Variants in DYNC1LI2 observed in about 807,000 individuals in gnomAD.
DYNC1LI2 encodes the protein cytoplasmic dynein 1 light intermediate chain 2.
DYNC1LI2 carries 19 observed loss-of-function variants against 57.8 expected under a neutral mutation model. The observed-to-expected ratio is 0.33, with a 90% CI of 0.23 to 0.48. The LOEUF is 0.48. DYNC1LI2 is among the 20% of genes least tolerant of loss of function. DYNC1LI2 has a pLI of 0.99. For synonymous variants in DYNC1LI2, 256 were observed against 233.4 expected (o/e 1.10, Z -0.88); for missense variants, 470 against 604.2 (o/e 0.78, Z 2.33).
At chr16:66,737,490 C>CAAAAA (rs754336347) in intron 4 of DYNC1LI2, among the ~76,000 whole-genome samples, 30 of 57,928 alleles carry the variant, frequency 5.2e-4, no homozygotes, top group African/African-American at 1.1e-3. Context: ...GACTCCGTCT[C>CAAAAA]AAAAAAAAAA....
intron 5 of DYNC1LI2, among the ~76,000 whole-genome samples, chr16:66,734,602 T>C (rs2017698380): frequency 6.6e-6 from 1 of 151,968 alleles, no homozygotes; most frequent in Non-Finnish European, 1.5e-5. Flanking sequence ...TACACAGTTG[T>C]ACACTCCACT....
chr16:66,749,850 A>G (rs1229327551), intron 2 of DYNC1LI2, among the ~76,000 whole-genome samples: 2 of 152,246 alleles, frequency 1.3e-5, no homozygotes, highest in African/African-American at 2.4e-5. Context: ...AAATAATTAT[A>G]GACCTAGCAA....
At chr16:66,748,288 A>C in intron 3 of DYNC1LI2, among the ~76,000 whole-genome samples, 1 of 151,246 alleles carries the variant, frequency 6.6e-6, no homozygotes. Flanking sequence ...AAAAAAAAAA[A>C]AAAAAAAAAA....
chr16:66,725,734 G>T, intron 12 of DYNC1LI2, 94 bp downstream of exon 12: 1 of 1,260,400 alleles, frequency 7.9e-7, no homozygotes, highest in South Asian at 1.4e-5. Flanking sequence ...GGCTATTCAG[G>T]ACACTGCAGG....
chr16:66,742,748 G>T, intron 3 of DYNC1LI2, 80 bp from the exon 4 acceptor site: 2 of 1,455,490 alleles, frequency 1.4e-6, no homozygotes, highest in South Asian at 1.2e-5. Flanking sequence ...ACATCAGGAA[G>T]ATCTTGAAGG....
At chr16:66,726,018 C>A in intron 11 of DYNC1LI2, 74 bp from the exon 12 acceptor site, 2 of 1,509,240 alleles carry the variant, frequency 1.3e-6, no homozygotes, top group Non-Finnish European at 1.8e-6. Context: ...TAGTTCTCAG[C>A]TTGGCATTAG....
rs773478112 is a variant in DYNC1LI2, at chr16:66,736,250, G to A, written c.530-6C>T. 6.2e-6 allele frequency: 10 copies of A among 1,606,148 alleles called. No homozygotes were observed. In the African/African-American group the frequency reaches 1.3e-4, roughly 22 times the overall value. On this transcript the variant is annotated splice_polypyrimidine_tract_variant and splice_region_variant and intron_variant, in intron 4 of 12. Coordinates refer to ENST00000258198, the MANE Select transcript of DYNC1LI2 (RefSeq NM_006141.3). ...GTCTTGAAAATCTTTCACAACTGGG[G>A]GAAAAAGAGGAAAAAAAATCACATG...
intron 5 of DYNC1LI2, 35 bp downstream of exon 5, chr16:66,736,040 G>A (rs779694650): frequency 3.4e-5 from 55 of 1,598,812 alleles, no homozygotes; most frequent in African/African-American, 4.0e-5. Context: ...TTCACCACCC[G>A]AACCCAGCCA....
chr16:66,732,523 A>C, intron 6 of DYNC1LI2, 49 bp from the exon 7 acceptor site: 1 of 1,582,088 alleles, frequency 6.3e-7, no homozygotes, highest in Non-Finnish European at 8.6e-7. Context: ...AGGAGACAAA[A>C]TCGAACACAT....
chr16:66,725,395 C>T (rs1032947980), intron 12 of DYNC1LI2, among the ~76,000 whole-genome samples: 5 of 151,650 alleles, frequency 3.3e-5, no homozygotes, highest in Admixed American at 2.0e-4. Context: ...ACAGGAGAAT[C>T]GCTTGAACCT....
At chr16:66,735,633 A>T (rs1308071197) in intron 5 of DYNC1LI2, among the ~76,000 whole-genome samples, 1 of 152,006 alleles carries the variant, frequency 6.6e-6, no homozygotes, top group Non-Finnish European at 1.5e-5. Flanking sequence ...CAGCCTCCCA[A>T]GTAGCTGGGA....
chr16:66,734,574 C>G (rs1389512015), intron 5 of DYNC1LI2, among the ~76,000 whole-genome samples: 1 of 151,920 alleles, frequency 6.6e-6, no homozygotes, highest in Non-Finnish European at 1.5e-5. Context: ...AAGCTCCCAT[C>G]AGGAGGCAGG....
Position 66,732,201 on chromosome 16 carries a change from G to A in DYNC1LI2, c.929+138C>T, listed in dbSNP as rs905774664. 2.1e-5 allele frequency: 23 copies of A among 1,112,888 alleles called. 1 individual carries two copies. In the Admixed American group the frequency reaches 7.0e-4, roughly 34 times the overall value. The allele number at this position is 1,112,888 out of a possible 1,614,324, so 68.9% of individuals were successfully genotyped here. ...AGGCAGATGCCTCATAATCCGGAAA[G>A]GAACAGAGAGAAGGTGCAGTGAGAG... On this transcript the variant is annotated intron_variant, in intron 7 of 12. Coordinates refer to ENST00000258198, the MANE Select transcript of DYNC1LI2 (RefSeq NM_006141.3).
intron 11 of DYNC1LI2, 122 bp from the exon 12 acceptor site, chr16:66,726,066 A>G (rs953273568): frequency 7.1e-6 from 7 of 991,714 alleles, no homozygotes; most frequent in South Asian, 1.6e-5. Context: ...TATTGATAAC[A>G]TTCATTCGCT....
chr16:66,726,254 T>C (rs551943324), intron 11 of DYNC1LI2, among the ~76,000 whole-genome samples: 1 of 152,310 alleles, frequency 6.6e-6, no homozygotes, highest in East Asian at 1.9e-4. Context: ...AAACCTGCTG[T>C]GAAAAGCTCA....
At chr16:66,725,748 T>C in intron 12 of DYNC1LI2, 80 bp downstream of exon 12, 1 of 1,415,030 alleles carries the variant, frequency 7.1e-7, no homozygotes, top group Non-Finnish European at 9.8e-7. Context: ...CTGCAGGGTC[T>C]GCAGGGCAGG....
chr16:66,741,331 C>T (rs370628626), intron 4 of DYNC1LI2, among the ~76,000 whole-genome samples: 5 of 152,166 alleles, frequency 3.3e-5, no homozygotes, highest in African/African-American at 7.2e-5. Context: ...GAGGCATTAT[C>T]TAGAAAGGTC....
chr16:66,738,174 G>T (rs2017769347), intron 4 of DYNC1LI2: 1 of 150,844 alleles, frequency 6.6e-6, no homozygotes, highest in African/African-American at 2.4e-5. Context: ...TCATGTAACA[G>T]TGAGCAAACT....
chr16:66,730,306 T>TA, intron 7 of DYNC1LI2, 83 bp from the exon 8 acceptor site: 1 of 1,182,304 alleles, frequency 8.5e-7, no homozygotes, highest in South Asian at 1.5e-5. Context: ...GACTCCTGGG[T>TA]AGGACACTTC....
Sources: allele counts gnomAD v4.1 joint callset (sites outside exome capture counted in the v4.1 genomes callset), GRCh38; gene constraint gnomAD v4.1.1; transcripts MANE v1.5; gene names NCBI Gene and HGNC (gene_info 2026-07-23, HGNC 2026-07-21).